Variants in IRAG2 observed in about 807,000 individuals in gnomAD.
The protein encoded by IRAG2 is inositol 1,4,5-triphosphate receptor associated 2.
In IRAG2, 45 loss-of-function variants were observed where a neutral mutation model predicts 69.9. The observed-to-expected ratio is 0.64, with a 90% CI of 0.51 to 0.83. IRAG2 has a LOEUF of 0.83. Among genes scored for constraint, IRAG2 ranks in the 40% least tolerant of loss-of-function variants. The pLI, the probability that IRAG2 is intolerant of heterozygous loss-of-function variation, is 0.00. For synonymous variants in IRAG2, 193 were observed against 202.4 expected, an observed-to-expected ratio of 0.95 and a Z score of 0.40; for missense variants, 520 against 587.0, an observed-to-expected ratio of 0.89 and a Z score of 1.18.
intron 9 of IRAG2, among the ~76,000 whole-genome samples, chr12:25,028,296 C>T (rs1374427702): frequency 2.0e-5 from 3 of 152,188 alleles, no homozygotes; most frequent in Non-Finnish European, 4.4e-5. Context: ...TTACATTCCA[C>T]CAGCAGTGCA....
exon 3 of IRAG2, chr12:25,011,550 T>A: frequency 2.4e-6 from 3 of 1,231,208 alleles, no homozygotes; most frequent in South Asian, 4.1e-5. Flanking sequence ...TGGAAACACA[T>A]GGTAATCAGA....
chr12:25,052,195 C>A (rs74386676), upstream of IRAG2: 2,892 of 353,384 alleles, frequency 8.2e-3, 130 homozygotes, highest in East Asian at 0.094. Context: ...TGACAGCTTG[C>A]GGTTTGGACT....
At chr12:25,061,787 G>A in intron 2 of IRAG2, 134 bp downstream of exon 2, 1 of 394,440 alleles carries the variant, frequency 2.5e-6, no homozygotes, top group Non-Finnish European at 4.5e-6. Context: ...AAAATGTTTT[G>A]GTGGACTTTG....
intron 16 of IRAG2, among the ~76,000 whole-genome samples, chr12:25,046,056 G>T (rs1944790650): frequency 6.6e-6 from 1 of 152,050 alleles, no homozygotes; most frequent in Non-Finnish European, 1.5e-5. Flanking sequence ...TGCAAGGATG[G>T]TTCAATATAT....
chr12:25,011,130 G>C (rs187288889), intron 2 of IRAG2, among the ~76,000 whole-genome samples: 3 of 152,260 alleles, frequency 2.0e-5, no homozygotes, highest in African/African-American at 7.2e-5. Flanking sequence ...CAGGTTCAGA[G>C]AGGTTAATAT....
At chr12:25,021,306 C>A (rs973187092) in intron 7 of IRAG2, among the ~76,000 whole-genome samples, 3 of 151,742 alleles carry the variant, frequency 2.0e-5, no homozygotes, top group African/African-American at 7.3e-5. Context: ...TTACATATTT[C>A]TCAGTCACAT....
chr12:25,092,086 G>A (rs556104009), intron 14 of IRAG2, among the ~76,000 whole-genome samples: 4 of 151,710 alleles, frequency 2.6e-5, no homozygotes, highest in African/African-American at 7.3e-5. Flanking sequence ...CCAACATGGC[G>A]AAACACCATC....
At chr12:25,039,672 C>T (rs576329368) in intron 16 of IRAG2, among the ~76,000 whole-genome samples, 243 of 152,298 alleles carry the variant, frequency 1.6e-3, no homozygotes, top group African/African-American at 5.6e-3. Context: ...CCTCGTGATC[C>T]GCCCCCCTCG....
intron 15 of IRAG2, among the ~76,000 whole-genome samples, chr12:25,100,530 C>T (rs1948694672): frequency 6.6e-6 from 1 of 152,128 alleles, no homozygotes; most frequent in South Asian, 2.1e-4. Context: ...ATATTAGAAT[C>T]CCCAGAGAAA....
chr12:25,090,379 C>CA (rs56280849), intron 14 of IRAG2, among the ~76,000 whole-genome samples, 182 bp downstream of exon 14: 17,593 of 143,792 alleles, frequency 0.12, 1,402 homozygotes, highest in African/African-American at 0.23. Flanking sequence ...CCATCTCTAC[C>CA]AAAAAAAAAA....
At position 25,079,472 on chromosome 12, in the gene IRAG2, T is replaced by C. The variant is rs371720390; in HGVS notation, c.136+10T>C. The stretch of plus-strand genomic sequence containing the variant: ...ACTATAACTTCAAGTGGTAAGTGGA[T>C]TTGGAAATAATATTAAAATAGACTG... On this transcript the variant is annotated intron_variant, in intron 8 of 21. Transcript: ENST00000556887. The C allele has an allele frequency of 2.2e-5, 35 of 1,607,244 alleles. No individual in the cohort carries two copies. The highest frequency in any genetic ancestry group is 3.0e-5 in the Non-Finnish European group (35 of 1,173,820).
Position 25,012,932 on chromosome 12 carries a change from A to G in IRAG2, c.896+1381A>G, listed in dbSNP as rs2139823149. 2.6e-5 allele frequency among the ~76,000 whole-genome samples: 4 copies of G among 152,356 alleles called. No individual in the cohort carries two copies. In the South Asian group the frequency reaches 8.3e-4, roughly 32 times the overall value. On this transcript the variant is annotated intron_variant, in intron 3 of 38. Coordinates refer to the IRAG2 transcript ENST00000636465. ...AAATATGACTGAAATGTTGCATGCC[A>G]TACACAGGTTATTCATGAAGTCAAG...
chr12:25,104,312 G>A, intron 19 of IRAG2, 49 bp from the exon 20 acceptor site: 2 of 1,210,978 alleles, frequency 1.7e-6, no homozygotes, highest in East Asian at 2.3e-5. Context: ...ATTGATAATG[G>A]CTACAGATGT....
At chr12:25,071,367 A>G (rs1946326950) in intron 6 of IRAG2, among the ~76,000 whole-genome samples, 1 of 152,174 alleles carries the variant, frequency 6.6e-6, no homozygotes, top group African/African-American at 2.4e-5. Flanking sequence ...ATAAAAATAA[A>G]TTGAAAATTT....
chr12:25,020,740 A>G (rs1944571705), intron 6 of IRAG2: 1 of 883,864 alleles, frequency 1.1e-6, no homozygotes, highest in African/African-American at 1.7e-5. Flanking sequence ...AGTGTCTTTG[A>G]CGGTTATATT....
chr12:25,062,995 T>C, intron 3 of IRAG2, 95 bp downstream of exon 3: 1 of 397,536 alleles, frequency 2.5e-6, no homozygotes. Context: ...TCAGTAGTCT[T>C]AGAACTGCAT....
At chr12:25,087,066 C>T (rs1413582847) in intron 10 of IRAG2, among the ~76,000 whole-genome samples, 1 of 151,762 alleles carries the variant, frequency 6.6e-6, no homozygotes, top group Non-Finnish European at 1.5e-5. Context: ...CTATCCAGTC[C>T]TACCTCTTCA....
intron 15 of IRAG2, among the ~76,000 whole-genome samples, chr12:25,037,616 T>C (rs1944711895): frequency 6.6e-6 from 1 of 152,174 alleles, no homozygotes; most frequent in Non-Finnish European, 1.5e-5. Context: ...AATATGATAA[T>C]CTGTAAATAC....
chr12:25,034,393 T>G (rs1413953805), intron 13 of IRAG2, among the ~76,000 whole-genome samples: 1 of 152,232 alleles, frequency 6.6e-6, no homozygotes, highest in Admixed American at 6.5e-5. Flanking sequence ...TCAGCCCAAA[T>G]TAATGACATT....
Sources: gnomAD v4.1 joint callset for allele counts (sites outside exome capture counted in the v4.1 genomes callset) on GRCh38, gnomAD v4.1.1 for gene constraint, MANE v1.5 for transcripts, NCBI Gene and HGNC (gene_info 2026-07-23, HGNC 2026-07-21) for gene names.